The following GLYATL3 variants were observed in gnomAD, a reference collection of about 807,000 sequenced individuals.
GLYATL3 encodes glycine N-acyltransferase-like protein 3.
Under a neutral mutation model 28.5 loss-of-function variants are expected in GLYATL3, and 31 were observed. The observed-to-expected ratio is 1.09, with a 90% CI of 0.82 to 1.47. GLYATL3 has a LOEUF of 1.47. GLYATL3 is among the 40% of genes most tolerant of loss of function. The pLI is 0.00. For missense variants in GLYATL3, 369 were observed against 351.5 expected (o/e 1.05, Z -0.40); for synonymous variants, 141 against 140.2 (o/e 1.01, Z -0.04).
chr6:49,517,660 T>G lies in GLYATL3; in HGVS notation c.313+104T>G, dbSNP rs1769241083. On this transcript the variant is annotated intron_variant, in intron 4 of 5. Transcript: ENST00000371197. Reference sequence around the variant, plus strand: ...CATATATATGAAAATATATAGATTATCTATACACACCTGTATGTATAAATA... The same window carrying G: ...CATATATATGAAAATATATAGATTAGCTATACACACCTGTATGTATAAATA... 3.7e-6 allele frequency: 3 copies of G among 805,768 alleles called. No individual in the cohort carries two copies. The Admixed American group carries it at 9.9e-5, about 26-fold the overall frequency. 49.9% of individuals were successfully genotyped at this position (805,768 alleles called of 1,614,324 possible). A position where few individuals can be genotyped will look rare whatever the true frequency, so the allele number is the denominator to read the frequency against.
intron 1 of GLYATL3, among the ~76,000 whole-genome samples, chr6:49,508,528 C>A (rs1166903569): frequency 6.6e-6 from 1 of 152,206 alleles, no homozygotes; most frequent in Non-Finnish European, 1.5e-5. Flanking sequence ...GAGGGCATTA[C>A]AGCCCTATCT....
chr6:49,517,534 G>A lies in GLYATL3; in HGVS notation c.291G>A (p.Trp97Ter). The change falls in exon 4 of 6, where the codon TGG becomes TGA. Residue 97 changes from tryptophan (W) to a stop codon, truncating the protein, a stop_gained. Transcript: ENST00000371197. LOFTEE classifies it high-confidence loss of function. ...QLLEECDVFN[W>*]DQVFQIQGLQ... ...TGGAAGAATGTGATGTTTTTAACTG[G>A]GACCAAGTTTTTCAAATACAAGGTG... The A allele has an allele frequency of 3.2e-6, 5 of 1,550,360 alleles. No individual in the cohort carries two copies. Among genetic ancestry groups the A allele is most frequent in the Non-Finnish European group, 4.4e-6 (5 of 1,146,336 alleles).
rs1327978149 is a variant in GLYATL3 at position 49,527,710 on chromosome 6, C to G, written c.*796C>G. Reference sequence around the variant, plus strand: ...ACTTTACCTATAACCTATTTCAGCCCCCTTATTTATAGTCTACTTTCCCAT... The same window carrying G: ...ACTTTACCTATAACCTATTTCAGCCGCCTTATTTATAGTCTACTTTCCCAT... On this transcript the variant is annotated 3_prime_UTR_variant, in exon 6 of 6. Coordinates refer to ENST00000371197, the MANE Select transcript of GLYATL3 (RefSeq NM_001010904.2). Among the ~76,000 whole-genome samples the G allele has an allele frequency of 6.6e-6, 1 of 151,978 alleles. No homozygotes were observed. Among genetic ancestry groups the G allele is most frequent in the Non-Finnish European group, 1.5e-5 (1 of 68,018 alleles).
At chr6:49,511,746 A>T (rs116701142) in intron 1 of GLYATL3, among the ~76,000 whole-genome samples, 14 of 152,350 alleles carry the variant, frequency 9.2e-5, no homozygotes, top group Non-Finnish European at 1.9e-4. Context: ...AACCAAGGAT[A>T]GATACTCACA....
chr6:49,520,910 G>C (rs2127238568), intron 4 of GLYATL3, among the ~76,000 whole-genome samples: 1 of 152,260 alleles, frequency 6.6e-6, no homozygotes, highest in South Asian at 2.1e-4. Flanking sequence ...CATGCACTCA[G>C]GAGGCTGAAA....
At chr6:49,506,612 T>A (rs1034510788) in intron 1 of GLYATL3, among the ~76,000 whole-genome samples, 1 of 152,200 alleles carries the variant, frequency 6.6e-6, no homozygotes, top group Admixed American at 6.5e-5. Context: ...CCCATAGGTT[T>A]AATAACTGCA....
At chr6:49,525,144 C>T (rs1239459773) in intron 5 of GLYATL3, among the ~76,000 whole-genome samples, 3 of 144,622 alleles carry the variant, frequency 2.1e-5, no homozygotes, top group Non-Finnish European at 3.0e-5. Context: ...AGAATCTGGA[C>T]TTACCAAGGC....
At chr6:49,525,660 CAG>C (rs555222203) in intron 5 of GLYATL3, among the ~76,000 whole-genome samples, 65 of 149,842 alleles carry the variant, frequency 4.3e-4, no homozygotes, top group African/African-American at 1.4e-3. Context: ...ATGAGAAGTT[CAG>C]AGTTATACCC....
At chr6:49,508,522 G>A (rs1769056767) in intron 1 of GLYATL3, among the ~76,000 whole-genome samples, 1 of 152,162 alleles carries the variant, frequency 6.6e-6, no homozygotes, top group South Asian at 2.1e-4. Context: ...CAAGATGAGG[G>A]CATTACAGCC....
intron 5 of GLYATL3, among the ~76,000 whole-genome samples, chr6:49,522,208 T>A (rs1393424582): frequency 6.6e-6 from 1 of 152,146 alleles, no homozygotes; most frequent in African/African-American, 2.4e-5. Flanking sequence ...TTAAATATAT[T>A]ATCCCATTAG....
chr6:49,508,594 C>T (rs549708523), intron 1 of GLYATL3, among the ~76,000 whole-genome samples: 26 of 152,228 alleles, frequency 1.7e-4, no homozygotes, highest in African/African-American at 5.8e-4. Flanking sequence ...CCACAACGGT[C>T]GCATTCCTTT....
At chr6:49,501,672 T>G (rs553708735) in intron 1 of GLYATL3, among the ~76,000 whole-genome samples, 6 of 152,308 alleles carry the variant, frequency 3.9e-5, no homozygotes, top group Non-Finnish European at 7.3e-5. Context: ...CAGTAACAGT[T>G]GCAGCAAAAG....
At chr6:49,519,198 C>G (rs1769271637) in intron 4 of GLYATL3, among the ~76,000 whole-genome samples, 1 of 152,144 alleles carries the variant, frequency 6.6e-6, no homozygotes, top group Admixed American at 6.6e-5. Flanking sequence ...CCTATTATCA[C>G]TAAATCACCT....
intron 1 of GLYATL3, among the ~76,000 whole-genome samples, chr6:49,508,486 C>T (rs1769056133): frequency 6.6e-6 from 1 of 152,180 alleles, no homozygotes; most frequent in African/African-American, 2.4e-5. Context: ...TATGCCTTAA[C>T]CCTAAAGAGG....
At chr6:49,525,560 C>CAAAAAAAAAAAAAAAAAA (rs56711143) in intron 5 of GLYATL3, among the ~76,000 whole-genome samples, 1 of 66,592 alleles carries the variant, frequency 1.5e-5, no homozygotes, top group Admixed American at 2.2e-4. Flanking sequence ...GCAAGGCTCT[C>CAAAAAAAAAAAAAAAAAA]AAAAAAAAAA....
At chr6:49,511,199 G>T (rs778562129) in intron 1 of GLYATL3, among the ~76,000 whole-genome samples, 4 of 152,118 alleles carry the variant, frequency 2.6e-5, no homozygotes, top group Non-Finnish European at 4.4e-5. Flanking sequence ...TGATTGGAAT[G>T]CCAGAAAAAG....
At chr6:49,522,702 T>G (rs1206331860) in intron 5 of GLYATL3, among the ~76,000 whole-genome samples, 2 of 152,160 alleles carry the variant, frequency 1.3e-5, no homozygotes, top group Non-Finnish European at 2.9e-5. Context: ...ACTCCTACAG[T>G]GAATGTTGAA....
intron 1 of GLYATL3, among the ~76,000 whole-genome samples, chr6:49,500,402 A>G (rs1384319829): frequency 2.0e-5 from 3 of 152,210 alleles, no homozygotes; most frequent in African/African-American, 4.8e-5. Context: ...AAGTGCTTAA[A>G]AAAATGTATT....
At chr6:49,517,760 G>A (rs538679778) in intron 4 of GLYATL3, among the ~76,000 whole-genome samples, 1 of 152,138 alleles carries the variant, frequency 6.6e-6, no homozygotes, top group South Asian at 2.1e-4. Flanking sequence ...CACTTCTAAT[G>A]AGGCATGCAT....
Sources: allele counts gnomAD v4.1 joint callset (sites outside exome capture counted in the v4.1 genomes callset), GRCh38; gene constraint gnomAD v4.1.1; transcripts MANE v1.5; gene names NCBI Gene and HGNC (gene_info 2026-07-23, HGNC 2026-07-21).